The following RUNX1 variants were observed in gnomAD, a reference collection of about 807,000 sequenced individuals.
The protein encoded by RUNX1 is runt-related transcription factor 1.
A neutral mutation model predicts 42.8 loss-of-function variants in RUNX1; 19 were observed. The ratio of observed to expected loss-of-function variants is 0.44; its 90% CI spans 0.31 to 0.65. The LOEUF (loss-of-function observed/expected upper bound fraction) is 0.65, where lower values mean the gene tolerates loss of function less well. Ranked by LOEUF, RUNX1 falls within the 30% of genes least tolerant of loss-of-function variation. The probability of loss-of-function intolerance (pLI) is 0.07; values close to 1 mark genes in which losing one functional copy is unlikely to be tolerated. For synonymous variants in RUNX1, 271 were observed against 289.4 expected, an observed-to-expected ratio of 0.94 and a Z score of 0.64; for missense variants, 528 against 672.0, an observed-to-expected ratio of 0.79 and a Z score of 2.37.
chr21:34,794,869 C>A (rs1301424960), intron 8 of RUNX1, among the ~76,000 whole-genome samples: 1 of 152,158 alleles, frequency 6.6e-6, no homozygotes, highest in South Asian at 2.1e-4. Context: ...GTAGCATCGC[C>A]CGCCCCTCTT....
intron 7 of RUNX1, among the ~76,000 whole-genome samples, chr21:34,825,825 T>A (rs1043056143): frequency 6.6e-6 from 1 of 152,222 alleles, no homozygotes; most frequent in Admixed American, 6.5e-5. Flanking sequence ...TATAGTAACA[T>A]GTATCCTTAG....
chr21:34,792,072 G>A lies in RUNX1; in HGVS notation c.*63C>T, dbSNP rs1330268815. The A allele has an allele frequency of 7.5e-6, 8 of 1,060,552 alleles. No individual in the cohort carries two copies. The East Asian group carries it at 1.5e-4, about 20-fold the overall frequency. 65.7% of individuals were successfully genotyped at this position (1,060,552 alleles called of 1,614,324 possible). A position where few individuals can be genotyped will look rare whatever the true frequency, so the allele number is the denominator to read the frequency against. ...CCCGGCGGGCTTGTCGCGAACAGGA[G>A]GCCCGCGCGCCCGGAGGCGAAGGCG... On this transcript the variant is annotated 3_prime_UTR_variant, in exon 9 of 9. Transcript: ENST00000675419. This position sits in a 1 kb window ranked among gnomAD's most constrained non-coding sequence, Gnocchi z 6.9.
chr21:34,866,368 C>G (rs757026425), intron 5 of RUNX1, among the ~76,000 whole-genome samples: 2 of 152,196 alleles, frequency 1.3e-5, no homozygotes, highest in Non-Finnish European at 2.9e-5. Context: ...AGGTTCTGCT[C>G]TTTGCAAATT....
At chr21:34,798,932 TACC>T (rs1054386477) in intron 8 of RUNX1, among the ~76,000 whole-genome samples, 1 of 152,174 alleles carries the variant, frequency 6.6e-6, no homozygotes, top group African/African-American at 2.4e-5. Context: ...TGTGAAAATT[TACC>T]ACCACCGCAT....
chr21:34,934,521 C>A (rs1181212523), intron 2 of RUNX1, among the ~76,000 whole-genome samples: 2 of 152,132 alleles, frequency 1.3e-5, no homozygotes, highest in Non-Finnish European at 2.9e-5. Flanking sequence ...AATATTGGTC[C>A]AGCTCGCTGT....
intron 2 of RUNX1, among the ~76,000 whole-genome samples, chr21:34,951,311 A>T (rs536530443): frequency 1.9e-4 from 29 of 152,342 alleles, no homozygotes; most frequent in African/African-American, 7.0e-4. Context: ...AAAAACTATA[A>T]TTCTTTTGAA....
intron 2 of RUNX1, among the ~76,000 whole-genome samples, chr21:34,948,295 C>T (rs549369301): frequency 3.9e-5 from 6 of 152,172 alleles, no homozygotes; most frequent in East Asian, 1.9e-4. Context: ...CCTGACCTCA[C>T]GGGGCCATGC....
intron 2 of RUNX1, among the ~76,000 whole-genome samples, chr21:35,028,708 T>G (rs2059253552): frequency 6.6e-6 from 1 of 152,248 alleles, no homozygotes; most frequent in Non-Finnish European, 1.5e-5. Flanking sequence ...CTATATAATC[T>G]TTATGTTCAA....
At chr21:34,817,824 G>A (rs772245412) in intron 7 of RUNX1, among the ~76,000 whole-genome samples, 3 of 152,134 alleles carry the variant, frequency 2.0e-5, no homozygotes, top group Non-Finnish European at 2.9e-5. Flanking sequence ...CCTTCAGAGC[G>A]ATCATCACCC....
chr21:35,028,278 G>A (rs1236533934), intron 2 of RUNX1, among the ~76,000 whole-genome samples: 1 of 152,190 alleles, frequency 6.6e-6, no homozygotes, highest in Non-Finnish European at 1.5e-5. Flanking sequence ...CCGGGAACCT[G>A]CATTTTAACA....
In RUNX1 at chr21:34,887,086, C is replaced by T. The variant is rs2146414447; in HGVS notation, c.108G>A (p.Thr36=). 6.3e-7 allele frequency: 1 copy of T among 1,598,276 alleles called. No homozygotes were observed. The highest frequency in any genetic ancestry group is 8.5e-7 in the Non-Finnish European group (1 of 1,179,844). ...NPSRDVHDAS[T]SRRFTPPSTA... ...TGGAAGGCGGCGTGAAGCGGCGGCT[C>T]GTGCTGGCATCTACGGGGATACGCA... The change falls in exon 4 of 9, where the codon ACG becomes ACA. Residue 36 remains threonine, a synonymous_variant. Transcript: ENST00000675419.
At chr21:34,803,011 A>G (rs979389935) in intron 7 of RUNX1, among the ~76,000 whole-genome samples, 6 of 152,258 alleles carry the variant, frequency 3.9e-5, no homozygotes, top group African/African-American at 1.4e-4. Flanking sequence ...AAAGAAATCC[A>G]TGCCAAGGGA....
At chr21:34,854,666 A>G (rs2057471986) in intron 6 of RUNX1, among the ~76,000 whole-genome samples, 1 of 152,144 alleles carries the variant, frequency 6.6e-6, no homozygotes, top group African/African-American at 2.4e-5. Context: ...CCAGTATCCC[A>G]GATGTCACCT....
intron 2 of RUNX1, among the ~76,000 whole-genome samples, chr21:34,903,102 A>G (rs2146493164): frequency 6.6e-6 from 1 of 152,376 alleles, no homozygotes; most frequent in South Asian, 2.1e-4. Flanking sequence ...GAGATTCTGC[A>G]TCTTCTAGAA....
chr21:34,872,689 C>G (rs1458262727), intron 5 of RUNX1, among the ~76,000 whole-genome samples: 1 of 152,164 alleles, frequency 6.6e-6, no homozygotes, highest in African/African-American at 2.4e-5. Flanking sequence ...TCACGCATGA[C>G]TGGAGCTAGA....
chr21:34,972,380 ATTAT>A (rs2058769740), intron 2 of RUNX1, among the ~76,000 whole-genome samples: 1 of 152,216 alleles, frequency 6.6e-6, no homozygotes, highest in African/African-American at 2.4e-5. Flanking sequence ...GGAAGTAAAA[ATTAT>A]TTATATCTCT....
At chr21:34,967,590 G>C (rs1324328783) in intron 2 of RUNX1, among the ~76,000 whole-genome samples, 3 of 152,120 alleles carry the variant, frequency 2.0e-5, no homozygotes, top group African/African-American at 7.2e-5. Context: ...GTGTTTTAAA[G>C]AGAAAAGGAT....
chr21:35,043,818 C>A (rs2059377516), intron 2 of RUNX1, among the ~76,000 whole-genome samples: 2 of 152,194 alleles, frequency 1.3e-5, no homozygotes, highest in Non-Finnish European at 2.9e-5. Flanking sequence ...ACCTTCATGT[C>A]TGGGCTTTGA....
chr21:34,926,536 C>G (rs1439084763), intron 2 of RUNX1, among the ~76,000 whole-genome samples: 11 of 23,394 alleles, frequency 4.7e-4, no homozygotes, highest in Non-Finnish European at 5.4e-4. Flanking sequence ...TGATCTACAA[C>G]AAACACAAAT....
Sources: allele counts gnomAD v4.1 joint callset (sites outside exome capture counted in the v4.1 genomes callset), GRCh38; gene constraint gnomAD v4.1.1; non-coding constraint Gnocchi (gnomAD v3.1); transcripts MANE v1.5; gene names NCBI Gene and HGNC (gene_info 2026-07-23, HGNC 2026-07-21).